CERS6: variants seen among roughly 807,000 people sequenced by gnomAD.
CERS6 encodes ceramide synthase 6, also known as LAG1 homolog, ceramide synthase 6.
CERS6 carries 26 observed loss-of-function variants against 56.8 expected under a neutral mutation model. The ratio of observed to expected loss-of-function variants is 0.46; its 90% CI spans 0.34 to 0.63. The LOEUF (loss-of-function observed/expected upper bound fraction) is 0.63. CERS6 is among the 30% of genes least tolerant of loss of function. The probability of loss-of-function intolerance (pLI) is 0.01; values close to 1 mark genes in which losing one functional copy is unlikely to be tolerated. For missense variants in CERS6, 415 were observed against 467.5 expected, an observed-to-expected ratio of 0.89 and a Z score of 1.04; for synonymous variants, 164 against 173.3, an observed-to-expected ratio of 0.95 and a Z score of 0.42.
intron 3 of CERS6, among the ~76,000 whole-genome samples, chr2:168,596,082 CAAA>C (rs11416261): frequency 7.2e-6 from 1 of 138,896 alleles, no homozygotes; most frequent in African/African-American, 2.7e-5. Flanking sequence ...GACCCTGTCT[CAAA>C]AAAAAAAAAA....
intron 1 of CERS6, among the ~76,000 whole-genome samples, chr2:168,498,415 C>T (rs147861996): frequency 2.9e-4 from 44 of 152,150 alleles, no homozygotes; most frequent in African/African-American, 8.0e-4. Context: ...GGAAGCAGAG[C>T]CTCTGGCAGA....
chr2:168,474,751 CAT>C (rs1694038902), intron 1 of CERS6, among the ~76,000 whole-genome samples: 1 of 152,130 alleles, frequency 6.6e-6, no homozygotes, highest in African/African-American at 2.4e-5. Flanking sequence ...ATTTAACAAA[CAT>C]ATTTCACCCT....
At position 168,598,316 on chromosome 2, in the gene CERS6, T is replaced by C. The variant is rs529372237; in HGVS notation, c.408-32669T>C. ...ATAAGAGACTGTAATGACTTGAATA[T>C]ATGGCAACCTCGTTTTTGGGGGGAA... On this transcript the variant is annotated intron_variant, in intron 3 of 9. Coordinates refer to ENST00000305747, the MANE Select transcript of CERS6 (RefSeq NM_203463.3). Among the ~76,000 whole-genome samples the C allele has an allele frequency of 5.9e-5, 9 of 152,312 alleles. No homozygotes were observed. The South Asian group carries it at 1.0e-3, about 18-fold the overall frequency.
chr2:168,609,518 G>C (rs1684133124), intron 3 of CERS6, among the ~76,000 whole-genome samples: 1 of 152,132 alleles, frequency 6.6e-6, no homozygotes, highest in Non-Finnish European at 1.5e-5. Context: ...TTTAGGTTCA[G>C]AACAATACCA....
intron 6 of CERS6, among the ~76,000 whole-genome samples, chr2:168,704,587 C>T (rs1686888399): frequency 6.6e-6 from 1 of 152,166 alleles, no homozygotes; most frequent in Non-Finnish European, 1.5e-5. Context: ...ACTCAAGGCT[C>T]ACCCTTGCAC....
At chr2:168,657,730 C>T (rs1283336339) in intron 4 of CERS6, among the ~76,000 whole-genome samples, 8 of 152,336 alleles carry the variant, frequency 5.3e-5, no homozygotes, top group South Asian at 2.1e-4. Context: ...CTGGCTGCTC[C>T]GAGTGCGGGG....
At chr2:168,611,495 G>A (rs1684186509) in intron 3 of CERS6, among the ~76,000 whole-genome samples, 1 of 152,296 alleles carries the variant, frequency 6.6e-6, no homozygotes, top group Admixed American at 6.5e-5. Flanking sequence ...TAAAATACCA[G>A]AATACAAAAA....
chr2:168,682,092 T>C (rs1366323423), intron 4 of CERS6, among the ~76,000 whole-genome samples: 1 of 152,226 alleles, frequency 6.6e-6, no homozygotes, highest in Non-Finnish European at 1.5e-5. Flanking sequence ...GGAATGCAGA[T>C]ATCTCTTTGA....
At chr2:168,713,418 C>T (rs1224071234) in intron 6 of CERS6, among the ~76,000 whole-genome samples, 1 of 152,088 alleles carries the variant, frequency 6.6e-6, no homozygotes, top group East Asian at 1.9e-4. Flanking sequence ...TCAGTCTTGG[C>T]ATTTAAGTCT....
chr2:168,456,580 G>A lies in CERS6; in HGVS notation c.132G>A (p.Leu44=). ...AGGACCTCTATCTCGCTTTTCCCCT[G>A]GCCTTCTGTATCTTCATGGTGCGGC... is the stretch of plus-strand genomic sequence containing the variant. The part of the protein sequence containing the change: ...QAEDLYLAFP[L]AFCIFMVRLI... The change falls in exon 1 of 10, where the codon CTG becomes CTA. Residue 44 remains leucine, a synonymous_variant. Coordinates refer to ENST00000305747, the MANE Select transcript of CERS6 (RefSeq NM_203463.3). This position sits in a 1 kb window ranked among gnomAD's most constrained non-coding sequence, Gnocchi z 4.1. 6 of 1,613,958 alleles carry A rather than the reference G, an allele frequency of 3.7e-6. No homozygotes were observed. The highest frequency in any genetic ancestry group is 5.1e-6 in the Non-Finnish European group (6 of 1,179,882).
At chr2:168,540,085 AC>A (rs1223078651) in intron 1 of CERS6, among the ~76,000 whole-genome samples, 1 of 151,918 alleles carries the variant, frequency 6.6e-6, no homozygotes, top group African/African-American at 2.4e-5. Context: ...GGCCACAAAT[AC>A]CCTTAGTTTC....
chr2:168,513,324 T>C (rs1694828162), intron 1 of CERS6, among the ~76,000 whole-genome samples: 2 of 152,254 alleles, frequency 1.3e-5, no homozygotes, highest in Non-Finnish European at 2.9e-5. Flanking sequence ...TTTCATACTT[T>C]ATTCAGAATG....
Position 168,456,508 on chromosome 2 carries a change from C to T in CERS6, c.60C>T (p.Thr20=), listed in dbSNP as rs1278246733. The part of the protein sequence containing the change: ...NERFWLPHNV[T]WADLKNTEEA... ...GGTTTTGGCTCCCGCACAATGTCAC[C>T]TGGGCGGACCTGAAGAACACGGAGG... The change falls in exon 1 of 10, where the codon ACC becomes ACT. Residue 20 remains threonine, a synonymous_variant. Coordinates refer to ENST00000305747, the MANE Select transcript of CERS6 (RefSeq NM_203463.3). The surrounding 1 kb of genome is among the most constrained non-coding windows in gnomAD (Gnocchi z 4.1). 1.2e-6 allele frequency: 2 copies of T among 1,613,914 alleles called. No homozygotes were observed. The highest frequency in any genetic ancestry group is 1.7e-6 in the Non-Finnish European group (2 of 1,179,904).
At chr2:168,747,370 T>C (rs971449674) in intron 8 of CERS6, among the ~76,000 whole-genome samples, 51 of 152,128 alleles carry the variant, frequency 3.4e-4, no homozygotes, top group Non-Finnish European at 6.3e-4. Context: ...AAAGACATGA[T>C]TTTAATGTAT....
At chr2:168,577,862 T>C (rs1683315704) in intron 3 of CERS6, among the ~76,000 whole-genome samples, 1 of 152,144 alleles carries the variant, frequency 6.6e-6, no homozygotes, top group African/African-American at 2.4e-5. Flanking sequence ...GGTGTATTGA[T>C]TAATTTCTTT....
At chr2:168,760,162 C>G (rs1441626035) in intron 8 of CERS6, among the ~76,000 whole-genome samples, 2 of 152,078 alleles carry the variant, frequency 1.3e-5, no homozygotes, top group Non-Finnish European at 2.9e-5. Context: ...AGAGACAGAA[C>G]TAATAGGAGG....
At chr2:168,496,764 A>G (rs1486701179) in intron 1 of CERS6, among the ~76,000 whole-genome samples, 2 of 152,232 alleles carry the variant, frequency 1.3e-5, no homozygotes, top group African/African-American at 2.4e-5. Context: ...AATCTCTAGC[A>G]TGATCAGTGA....
intron 1 of CERS6, among the ~76,000 whole-genome samples, chr2:168,490,492 C>G (rs1020296367): frequency 5.3e-4 from 81 of 152,250 alleles, no homozygotes; most frequent in African/African-American, 1.8e-3. Flanking sequence ...CCTTGTAGAT[C>G]ATTTCTTTAC....
At chr2:168,600,440 A>G (rs1275482990) in intron 3 of CERS6, among the ~76,000 whole-genome samples, 5 of 152,080 alleles carry the variant, frequency 3.3e-5, no homozygotes, top group Non-Finnish European at 7.4e-5. Context: ...TCCTGACCTA[A>G]TGATCTGCCC....
Sources: allele counts gnomAD v4.1 joint callset (sites outside exome capture counted in the v4.1 genomes callset), GRCh38; gene constraint gnomAD v4.1.1; non-coding constraint Gnocchi (gnomAD v3.1); transcripts MANE v1.5; gene names NCBI Gene and HGNC (gene_info 2026-07-23, HGNC 2026-07-21).